The following SHPRH variants were observed in gnomAD, a reference collection of about 807,000 sequenced individuals.
The protein encoded by SHPRH is E3 ubiquitin-protein ligase SHPRH.
Under a neutral mutation model 202.5 loss-of-function variants are expected in SHPRH, and 106 were observed. The observed-to-expected ratio is 0.52, with a 90% CI of 0.45 to 0.62. The LOEUF (loss-of-function observed/expected upper bound fraction) is 0.62. Ranked by LOEUF, SHPRH falls within the 20% of genes least tolerant of loss-of-function variation. The pLI is 0.00. For synonymous variants in SHPRH, 729 were observed against 686.0 expected (o/e 1.06, Z -0.98); for missense variants, 1,710 against 2,020.0 (o/e 0.85, Z 2.94).
intron 2 of SHPRH, among the ~76,000 whole-genome samples, chr6:145,877,151 G>C (rs1274638450): frequency 1.3e-5 from 2 of 152,136 alleles, no homozygotes; most frequent in African/African-American, 4.8e-5. Flanking sequence ...ATGAGTTTTT[G>C]TATGAATATA....
downstream of SHPRH, among the ~76,000 whole-genome samples, chr6:145,880,656 A>C (rs1225410301): frequency 1.3e-5 from 2 of 151,760 alleles, 1 homozygote; most frequent in South Asian, 4.1e-4. Flanking sequence ...GTTGAAAAGG[A>C]AAGAAAAAAA....
rs369553070 is a variant in SHPRH at position 145,953,222 on chromosome 6, C to A, written c.634-744G>T. Among the ~76,000 whole-genome samples, 6 of 152,138 alleles carry A rather than the reference C, an allele frequency of 3.9e-5. No homozygotes were observed. In the South Asian group the frequency reaches 1.2e-3, roughly 32 times the overall value. On this transcript the variant is annotated intron_variant, in intron 2 of 29. Coordinates refer to ENST00000275233, the MANE Select transcript of SHPRH (RefSeq NM_001042683.3). ...TCACTGAGAATCTCATATTCTTTCA[C>A]TACAGAACAGGAATCCACCAGCCTT...
chr6:145,892,881 G>A (rs1294803680), intron 28 of SHPRH, among the ~76,000 whole-genome samples: 1 of 151,928 alleles, frequency 6.6e-6, no homozygotes, highest in Non-Finnish European at 1.5e-5. Context: ...AGGCATGATG[G>A]ATGCCTTCAA....
Position 145,943,632 on chromosome 6 carries a change from G to T in SHPRH, c.1749C>A (p.Ser583=). Residue 583 remains serine, a synonymous_variant, in exon 9 of 30, where the codon TCC becomes TCA. Transcript: ENST00000275233. Reference sequence around the variant, plus strand: ...ATGGTTGACTTTTTCCTTTTTTTGTGGATGGAACAAGCTTTTTCCTCAATT... The same window carrying T: ...ATGGTTGACTTTTTCCTTTTTTTGTTGATGGAACAAGCTTTTTCCTCAATT... ...RSKLRKKLVP[S]TKKGKSQPFI... is the part of the protein sequence containing the mutation. The T allele has an allele frequency of 6.2e-7, 1 of 1,613,672 alleles. No individual in the cohort carries two copies. The highest frequency in any genetic ancestry group is 8.5e-7 in the Non-Finnish European group (1 of 1,179,824).
intron 28 of SHPRH, among the ~76,000 whole-genome samples, chr6:145,890,481 C>T (rs1371272257): frequency 6.6e-6 from 1 of 152,086 alleles, no homozygotes; most frequent in East Asian, 1.9e-4. Context: ...CTTTGAGGTA[C>T]ATTTTTCACT....
chr6:145,913,033 A>T (rs1251453139), intron 24 of SHPRH, among the ~76,000 whole-genome samples: 1 of 152,152 alleles, frequency 6.6e-6, no homozygotes, highest in Non-Finnish European at 1.5e-5. Flanking sequence ...AGGAGAGATT[A>T]ATTTGTACTC....
intron 25 of SHPRH, among the ~76,000 whole-genome samples, chr6:145,898,464 T>C (rs1165086648): frequency 2.0e-5 from 3 of 152,118 alleles, no homozygotes; most frequent in Admixed American, 2.0e-4. Context: ...ACAGAAATAG[T>C]GCTATGATTT....
intron 13 of SHPRH, among the ~76,000 whole-genome samples, chr6:145,933,582 T>G (rs938785140): frequency 6.6e-6 from 1 of 152,228 alleles, no homozygotes; most frequent in Non-Finnish European, 1.5e-5. Flanking sequence ...TAAATGCCAT[T>G]CCTTCAAAAG....
At chr6:145,930,696 T>G (rs78626900) in intron 14 of SHPRH, among the ~76,000 whole-genome samples, 2,182 of 152,252 alleles carry the variant, frequency 0.014, 30 homozygotes, top group Non-Finnish European at 0.02. Flanking sequence ...ATATTCCTCT[T>G]TGGTTGGGTA....
chr6:145,901,326 T>C (rs1782488983), intron 25 of SHPRH, among the ~76,000 whole-genome samples: 1 of 152,132 alleles, frequency 6.6e-6, no homozygotes, highest in South Asian at 2.1e-4. Flanking sequence ...ATGTTTCTTC[T>C]ATCTTAAATA....
At position 145,919,461 on chromosome 6, in the gene SHPRH, T is replaced by G; in HGVS notation, c.4039A>C (p.Asn1347His). 6.2e-7 allele frequency: 1 copy of G among 1,613,036 alleles called. No homozygotes were observed. The highest frequency in any genetic ancestry group is 8.5e-7 in the Non-Finnish European group (1 of 1,179,322). The change falls in exon 22 of 30, where the codon AAT becomes CAT. Residue 1347 changes from asparagine (N) to histidine (H), a missense_variant. By Grantham distance (68) the Asn-to-His change is moderately conservative. Around this residue, in one of 8 missense-constraint regions of SHPRH, gnomAD observed 306 missense variants for 479.5 expected, o/e 0.64. Coordinates refer to ENST00000275233, the MANE Select transcript of SHPRH (RefSeq NM_001042683.3). ...AGTTCATCAACAGCAGACACACGAT[T>G]CCTCAGAGCCATCCAATATTCATGA... ...LLHEYWMALR[N>H]RVSAVDELAM...
intron 22 of SHPRH, 110 bp downstream of exon 22, chr6:145,919,238 A>G (rs1784214755): frequency 7.1e-7 from 1 of 1,402,122 alleles, no homozygotes; most frequent in Non-Finnish European, 9.6e-7. Flanking sequence ...TGGAGATTAA[A>G]TACACACTTA....
intron 2 of SHPRH, chr6:145,870,998 T>C (rs994469352): frequency 2.6e-5 from 4 of 152,182 alleles, no homozygotes; most frequent in Admixed American, 2.6e-4. Flanking sequence ...TCGATAAAAA[T>C]CCTCATTCCT....
At chr6:145,933,418 T>TTCC (rs1395772021) in intron 13 of SHPRH, among the ~76,000 whole-genome samples, 1 of 152,200 alleles carries the variant, frequency 6.6e-6, no homozygotes, top group Non-Finnish European at 1.5e-5. Flanking sequence ...TAGAAAAATC[T>TTCC]TCCTCAAGTA....
intron 25 of SHPRH, among the ~76,000 whole-genome samples, chr6:145,899,522 G>A (rs547642179): frequency 1.6e-4 from 24 of 152,016 alleles, no homozygotes; most frequent in African/African-American, 5.5e-4. Flanking sequence ...TTATCTCACC[G>A]CATATACAAA....
In SHPRH at chr6:145,885,251, T is replaced by C. The variant is rs1352133017; in HGVS notation, c.*1440A>G. 2 of 152,308 alleles carry C rather than the reference T, an allele frequency of 1.3e-5. No individual in the cohort carries two copies. Among genetic ancestry groups the C allele is most frequent in the Non-Finnish European group, 2.9e-5 (2 of 68,024 alleles). The allele number at this position is 152,308 out of a possible 1,614,324, so 9.4% of individuals were successfully genotyped here. Reference sequence around the variant, plus strand: ...ATGTACATGAAAGCTCTTTTTAATATGTGAAGAGCTATAAAAATAACAGTT... The same window carrying C: ...ATGTACATGAAAGCTCTTTTTAATACGTGAAGAGCTATAAAAATAACAGTT... On this transcript the variant is annotated 3_prime_UTR_variant, in exon 30 of 30. Coordinates refer to ENST00000275233, the MANE Select transcript of SHPRH (RefSeq NM_001042683.3).
At chr6:145,859,893 A>G (rs1005773461), downstream of SHPRH, among the ~76,000 whole-genome samples, 10 of 152,070 alleles carry the variant, frequency 6.6e-5, no homozygotes, top group Admixed American at 2.0e-4. Context: ...AGTATGTTTT[A>G]CAGATACATT....
intron 25 of SHPRH, chr6:145,904,485 G>GGAAGTTTCAAAGAGTCACAAGAGAGGGGT: frequency 6.6e-6 from 1 of 152,230 alleles, no homozygotes; most frequent in East Asian, 1.9e-4. Flanking sequence ...TCATTTATGT[G>GGAAGTTTCAAAGAGTCACAAGAGAGGGGT]GAAGTTTCAA....
chr6:145,892,571 C>A (rs1290501476), intron 28 of SHPRH, among the ~76,000 whole-genome samples: 1 of 147,244 alleles, frequency 6.8e-6, no homozygotes, highest in African/African-American at 2.6e-5. Flanking sequence ...TTTTTTTTTC[C>A]TTTTTTAAAC....
Sources: allele counts gnomAD v4.1 joint callset (sites outside exome capture counted in the v4.1 genomes callset), GRCh38; gene constraint gnomAD v4.1.1; regional missense constraint gnomAD v4.1.1; transcripts MANE v1.5; gene names NCBI Gene and HGNC (gene_info 2026-07-23, HGNC 2026-07-21).